KCNN2: variants seen among roughly 807,000 people sequenced by gnomAD.
KCNN2 encodes small conductance calcium-activated potassium channel protein 2.
A neutral mutation model predicts 55.5 loss-of-function variants in KCNN2; 24 were observed. The ratio of observed to expected loss-of-function variants is 0.43; its 90% CI spans 0.31 to 0.61. The LOEUF is 0.61. KCNN2 is among the 20% of genes least tolerant of loss of function. KCNN2 has a pLI of 0.08. For missense variants in KCNN2, 754 were observed against 853.6 expected, an observed-to-expected ratio of 0.88 and a Z score of 1.45; for synonymous variants, 431 against 336.1, an observed-to-expected ratio of 1.28 and a Z score of -3.09.
chr5:114,139,550 G>A (rs1199516303), intron 1 of KCNN2, among the ~76,000 whole-genome samples: 2 of 149,760 alleles, frequency 1.3e-5, no homozygotes, highest in Admixed American at 1.3e-4. Context: ...TATTATAGTG[G>A]CTGAATAGAT....
chr5:114,263,243 T>G (rs1028053879), intron 2 of KCNN2, among the ~76,000 whole-genome samples: 4 of 152,124 alleles, frequency 2.6e-5, no homozygotes, highest in Non-Finnish European at 2.9e-5. Flanking sequence ...TAGGGGTGCA[T>G]GTAGTCACCA....
intron 2 of KCNN2, among the ~76,000 whole-genome samples, chr5:114,250,687 G>A (rs1754840071): frequency 6.6e-6 from 1 of 152,186 alleles, no homozygotes; most frequent in Admixed American, 6.5e-5. Context: ...AAGGAATGCA[G>A]GCAAGAGTCT....
intron 2 of KCNN2, among the ~76,000 whole-genome samples, chr5:114,287,561 A>G (rs937767147): frequency 2.0e-5 from 3 of 151,420 alleles, no homozygotes; most frequent in Non-Finnish European, 4.4e-5. Flanking sequence ...GAACACATGG[A>G]CACATGGAGG....
intron 1 of KCNN2, among the ~76,000 whole-genome samples, chr5:114,074,329 T>TGTGTGTGCGC (rs1200712655): frequency 1.6e-4 from 22 of 138,744 alleles, no homozygotes; most frequent in African/African-American, 5.5e-4. Flanking sequence ...TGTGTGTGTG[T>TGTGTGTGCGC]GCGCGCGCGC....
At chr5:114,407,463 A>G (rs1302459221) in intron 3 of KCNN2, among the ~76,000 whole-genome samples, 1 of 151,670 alleles carries the variant, frequency 6.6e-6, no homozygotes. Flanking sequence ...TTTCATAGAA[A>G]CTTTTCTCTG....
At chr5:114,483,375 A>G (rs1762316530) in intron 5 of KCNN2, among the ~76,000 whole-genome samples, 2 of 151,102 alleles carry the variant, frequency 1.3e-5, no homozygotes, top group Admixed American at 1.3e-4. Flanking sequence ...CCTGGGTTCA[A>G]GCGATTCTCC....
At chr5:114,255,167 G>T (rs1234127267) in intron 2 of KCNN2, among the ~76,000 whole-genome samples, 2 of 152,144 alleles carry the variant, frequency 1.3e-5, no homozygotes, top group Non-Finnish European at 2.9e-5. Flanking sequence ...GGTATACAAA[G>T]AGAAAAATGC....
At chr5:114,230,205 G>T (rs941769179) in intron 2 of KCNN2, among the ~76,000 whole-genome samples, 4 of 151,566 alleles carry the variant, frequency 2.6e-5, no homozygotes, top group Non-Finnish European at 4.4e-5. Flanking sequence ...GATTATAAAG[G>T]ATAAGCAGGA....
chr5:114,104,425 G>T (rs1751437307), intron 1 of KCNN2, among the ~76,000 whole-genome samples: 1 of 151,896 alleles, frequency 6.6e-6, no homozygotes, highest in South Asian at 2.1e-4. Context: ...TATCAGTTCT[G>T]CTTTGATCTT....
At chr5:114,156,261 A>G (rs1752632871) in intron 1 of KCNN2, among the ~76,000 whole-genome samples, 1 of 152,160 alleles carries the variant, frequency 6.6e-6, no homozygotes, top group Non-Finnish European at 1.5e-5. Flanking sequence ...TTGTACCAGT[A>G]CCATGCTGTT....
intron 1 of KCNN2, among the ~76,000 whole-genome samples, chr5:114,143,820 T>C (rs1580552959): frequency 6.6e-6 from 1 of 152,256 alleles, no homozygotes; most frequent in East Asian, 1.9e-4. Flanking sequence ...TTTCAGGGGG[T>C]CTCCCTACAT....
chr5:114,159,007 C>A (rs1561501449), intron 1 of KCNN2, among the ~76,000 whole-genome samples: 1 of 152,096 alleles, frequency 6.6e-6, no homozygotes, highest in African/African-American at 2.4e-5. Context: ...CTTTCTCCTG[C>A]CTGATTGCCC....
chr5:114,485,412 C>T (rs1580917899), intron 5 of KCNN2, among the ~76,000 whole-genome samples: 4 of 152,156 alleles, frequency 2.6e-5, no homozygotes, highest in Admixed American at 2.6e-4. Flanking sequence ...ACTTCCCACT[C>T]CTCTCTCCTT....
At chr5:114,217,347 A>G (rs1019860894) in intron 1 of KCNN2, among the ~76,000 whole-genome samples, 4 of 152,168 alleles carry the variant, frequency 2.6e-5, no homozygotes, top group Non-Finnish European at 4.4e-5. Context: ...TAACTTCAAG[A>G]CTTTAAATCT....
At chr5:114,487,988 A>G (rs1043697042) in intron 6 of KCNN2, among the ~76,000 whole-genome samples, 8 of 152,344 alleles carry the variant, frequency 5.3e-5, no homozygotes, top group South Asian at 4.1e-4. Context: ...TGGCTATCCA[A>G]TGAGATTTGT....
At chr5:114,163,881 A>G (rs1580577841) in intron 1 of KCNN2, among the ~76,000 whole-genome samples, 2 of 152,112 alleles carry the variant, frequency 1.3e-5, no homozygotes, top group Non-Finnish European at 2.9e-5. Context: ...GTTAGAAGAC[A>G]TTCTGCTGCT....
At chr5:114,165,741 TATA>T (rs1561505693) in intron 1 of KCNN2, among the ~76,000 whole-genome samples, 1 of 152,212 alleles carries the variant, frequency 6.6e-6, no homozygotes, top group Non-Finnish European at 1.5e-5. Flanking sequence ...CTTACTTTAG[TATA>T]ATAATATAAT....
At chr5:114,073,904 T>G (rs766009283) in intron 1 of KCNN2, among the ~76,000 whole-genome samples, 1 of 152,182 alleles carries the variant, frequency 6.6e-6, no homozygotes. Flanking sequence ...AACTAAAAAA[T>G]AGACAAAATA....
intron 2 of KCNN2, among the ~76,000 whole-genome samples, chr5:114,396,020 G>A (rs955944312): frequency 6.6e-6 from 1 of 152,184 alleles, no homozygotes; most frequent in African/African-American, 2.4e-5. Context: ...ATACTCAGAT[G>A]TAAATGGCCA....
Sources: gnomAD v4.1 joint callset for allele counts (sites outside exome capture counted in the v4.1 genomes callset) on GRCh38, gnomAD v4.1.1 for gene constraint, MANE v1.5 for transcripts, NCBI Gene and HGNC (gene_info 2026-07-23, HGNC 2026-07-21) for gene names.